Variants in TIAM2 observed in about 807,000 individuals in gnomAD.
TIAM2 encodes rho guanine nucleotide exchange factor TIAM2.
Under a neutral mutation model 152.9 loss-of-function variants are expected in TIAM2, and 80 were observed. The ratio of observed to expected loss-of-function variants is 0.52; its 90% CI spans 0.44 to 0.63. The LOEUF (loss-of-function observed/expected upper bound fraction) is 0.63, where lower values mean the gene tolerates loss of function less well. TIAM2 is among the 30% of genes least tolerant of loss of function. TIAM2 has a pLI of 0.00. For missense variants in TIAM2, 1,965 were observed against 2,120.1 expected (o/e 0.93, Z 1.44); for synonymous variants, 804 against 838.0 (o/e 0.96, Z 0.70).
Position 155,222,617 on chromosome 6 carries a change from C to CAA in TIAM2, c.3168+11321_3168+11322dup, listed in dbSNP as rs916300239. Among the ~76,000 whole-genome samples the CAA allele has an allele frequency of 2.8e-3, 187 of 67,626 alleles. 1 individual carries two copies. The highest frequency in any genetic ancestry group is 0.015 in the African/African-American group (182 of 11,882). 44.4% of individuals were successfully genotyped at this position (67,626 alleles called of 152,430 possible). ...CTCTGTTTCAAAAACAAAAAACAAA[C>CAA]AAAAAAAAAAAACACAAAAAAAACC... On this transcript the variant is annotated intron_variant, in intron 15 of 26. Transcript: ENST00000682666.
At chr6:155,241,928 A>G (rs1033177814) in intron 16 of TIAM2, among the ~76,000 whole-genome samples, 7 of 152,302 alleles carry the variant, frequency 4.6e-5, no homozygotes, top group Non-Finnish European at 1.0e-4. Context: ...CTCTTGCCCC[A>G]AGAGTTAAGG....
chr6:155,254,410 C>CA lies in TIAM2; in HGVS notation c.4314-9_4314-8insA. 1 of 1,610,450 alleles carries CA rather than the reference C, an allele frequency of 6.2e-7. No individual in the cohort carries two copies. Among genetic ancestry groups the CA allele is most frequent in the African/African-American group, 1.3e-5 (1 of 74,978 alleles). The stretch of plus-strand genomic sequence containing the variant: ...ACACTTCTGCTGTTTTCTCTCCCCC[C>CA]CCACCCAGTGACAGTGAAAGCAAAA... On this transcript the variant is annotated splice_polypyrimidine_tract_variant and intron_variant, in intron 25 of 26. Coordinates refer to ENST00000682666, the MANE Select transcript of TIAM2 (RefSeq NM_012454.4).
chr6:155,125,181 G>C (rs1200894990), intron 2 of TIAM2, among the ~76,000 whole-genome samples: 1 of 152,096 alleles, frequency 6.6e-6, no homozygotes, highest in Admixed American at 6.6e-5. Flanking sequence ...TGAGGCAGGG[G>C]AATCACTTGA....
At chr6:155,064,496 A>C (rs1172856106) in intron 1 of TIAM2, among the ~76,000 whole-genome samples, 1 of 152,138 alleles carries the variant, frequency 6.6e-6, no homozygotes, top group African/African-American at 2.4e-5. Flanking sequence ...GCCTTCCCAG[A>C]ACTTTTTGGT....
intron 1 of TIAM2, among the ~76,000 whole-genome samples, chr6:155,015,784 A>G (rs569737087): frequency 1.3e-5 from 2 of 152,056 alleles, no homozygotes; most frequent in South Asian, 4.2e-4. Context: ...TAAAAATACA[A>G]GAATTAGCTG....
chr6:155,210,322 T>C (rs951116130), intron 14 of TIAM2, among the ~76,000 whole-genome samples: 1 of 152,066 alleles, frequency 6.6e-6, no homozygotes, highest in African/African-American at 2.4e-5. Flanking sequence ...CTCCTCTTTC[T>C]TTTTCTTTCC....
intron 14 of TIAM2, among the ~76,000 whole-genome samples, chr6:155,209,683 T>C (rs1473972334): frequency 6.6e-6 from 1 of 152,194 alleles, no homozygotes; most frequent in East Asian, 1.9e-4. Context: ...CGAGATTATC[T>C]GTCTGGTCCT....
intron 13 of TIAM2, among the ~76,000 whole-genome samples, chr6:155,182,907 A>G (rs1780943123): frequency 6.6e-6 from 1 of 152,208 alleles, no homozygotes; most frequent in Admixed American, 6.5e-5. Context: ...GAGAGCTAAC[A>G]TTTGTTTTGC....
rs139514250 is a variant in TIAM2, at chr6:155,193,833, G to A, written c.3064+10333G>A. Among the ~76,000 whole-genome samples the A allele has an allele frequency of 6.8e-3, 1,035 of 152,334 alleles. 13 individuals are homozygous for A. The highest frequency in any genetic ancestry group is 7.4e-3 in the Non-Finnish European group (503 of 68,028). On this transcript the variant is annotated intron_variant, in intron 14 of 26. Transcript: ENST00000682666. Reference sequence around the variant, plus strand: ...GCAATGAAGAGCGCAATGGTGCTGAGCACAGTTTGGTGTTCCTGCCTTATT... The same window carrying A: ...GCAATGAAGAGCGCAATGGTGCTGAACACAGTTTGGTGTTCCTGCCTTATT...
At chr6:155,150,640 G>A (rs567773001) in intron 7 of TIAM2, among the ~76,000 whole-genome samples, 62 of 152,258 alleles carry the variant, frequency 4.1e-4, no homozygotes, top group African/African-American at 1.4e-3. Flanking sequence ...ACTGTAAAGC[G>A]GGTGGCTTAT....
Position 155,008,015 on chromosome 6 carries a change from G to C in TIAM2, c.-209+12523G>C, listed in dbSNP as rs116413085. Among the ~76,000 whole-genome samples, 225 of 152,242 alleles carry C rather than the reference G, an allele frequency of 1.5e-3. 1 individual carries two copies. Among genetic ancestry groups the C allele is most frequent in the African/African-American group, 5.0e-3 (209 of 41,552 alleles). ...TTGGCAGCCAACAGTTGGAATTTTCGGCAAACCAACAAGTGGGTTGTTCCG... is the reference window on the plus strand; with the variant it reads ...TTGGCAGCCAACAGTTGGAATTTTCCGCAAACCAACAAGTGGGTTGTTCCG... On this transcript the variant is annotated intron_variant, in intron 1 of 26. Coordinates refer to ENST00000682666, the MANE Select transcript of TIAM2 (RefSeq NM_012454.4).
chr6:155,236,115 T>C (rs2115291821), intron 15 of TIAM2, among the ~76,000 whole-genome samples: 1 of 152,076 alleles, frequency 6.6e-6, no homozygotes, highest in Admixed American at 6.6e-5. Flanking sequence ...GTCCGAGTAT[T>C]ATCATCGTGA....
chr6:155,112,159 TC>T (rs1778870302), intron 2 of TIAM2, among the ~76,000 whole-genome samples: 1 of 147,118 alleles, frequency 6.8e-6, no homozygotes, highest in Admixed American at 6.9e-5. Flanking sequence ...GGAGTCTTGC[TC>T]TGTTGCCCAG....
chr6:155,123,508 G>T (rs562374961), intron 2 of TIAM2, among the ~76,000 whole-genome samples: 1 of 152,232 alleles, frequency 6.6e-6, no homozygotes, highest in Admixed American at 6.5e-5. Flanking sequence ...GTAGAGGATG[G>T]GGGTCTCCTG....
At position 155,047,704 on chromosome 6, in the gene TIAM2, AGCGAGAGAGAGAGAGAGAGAGC is replaced by A. The variant is rs1562300209; in HGVS notation, c.-208-42583_-208-42562del. On this transcript the variant is annotated intron_variant, in intron 1 of 26. Transcript: ENST00000682666. ...AGAGAGAGAGGAGAGAGAGAGAGAG[AGCGAGAGAGAGAGAGAGAGAGC>A]GAGAGAGAGAGAGAGAGAGCGAGCG... is the stretch of plus-strand genomic sequence containing the variant. Among the ~76,000 whole-genome samples, 25 of 82,218 alleles carry A rather than the reference AGCGAGAGAGAGAGAGAGAGAGC, an allele frequency of 3.0e-4. 1 individual carries two copies. The highest frequency in any genetic ancestry group is 1.3e-3 in the African/African-American group (24 of 18,876). 53.9% of individuals were successfully genotyped at this position (82,218 alleles called of 152,430 possible).
At chr6:155,203,878 C>G (rs1227945454) in intron 14 of TIAM2, among the ~76,000 whole-genome samples, 2 of 152,158 alleles carry the variant, frequency 1.3e-5, no homozygotes, top group African/African-American at 4.8e-5. Flanking sequence ...CATTTTGCAT[C>G]CTCTGATGCC....
At chr6:155,067,224 T>A (rs1777714358) in intron 1 of TIAM2, among the ~76,000 whole-genome samples, 1 of 152,186 alleles carries the variant, frequency 6.6e-6, no homozygotes, top group South Asian at 2.1e-4. Context: ...GCATATTAGT[T>A]TTCTTTTCAT....
At position 155,079,139 on chromosome 6, in the gene TIAM2, A is replaced by G. The variant is rs568317231; in HGVS notation, c.-208-11150A>G. ...TGCAGTGGTGCGATCTCGGCTCACT[A>G]CAACCTCTGCCTCCTGGGTTCAAGC... On this transcript the variant is annotated intron_variant, in intron 1 of 26. Transcript: ENST00000682666. Among the ~76,000 whole-genome samples, 21 of 151,744 alleles carry G rather than the reference A, an allele frequency of 1.4e-4. No individual in the cohort carries two copies. The South Asian group carries it at 4.0e-3, about 29-fold the overall frequency.
chr6:155,175,503 G>A (rs180943090), intron 9 of TIAM2, among the ~76,000 whole-genome samples: 17 of 152,304 alleles, frequency 1.1e-4, no homozygotes, highest in African/African-American at 3.4e-4. Context: ...TTTCACATAA[G>A]TGACCTCTTT....
Sources: allele counts gnomAD v4.1 joint callset (sites outside exome capture counted in the v4.1 genomes callset), GRCh38; gene constraint gnomAD v4.1.1; transcripts MANE v1.5; gene names NCBI Gene and HGNC (gene_info 2026-07-23, HGNC 2026-07-21).